Variants in RBM19 observed in about 807,000 individuals in gnomAD.
RBM19 encodes the protein probable RNA-binding protein 19.
Under a neutral mutation model 116.8 loss-of-function variants are expected in RBM19, and 94 were observed. The ratio of observed to expected loss-of-function variants is 0.80; its 90% confidence interval spans 0.68 to 0.95. The LOEUF (loss-of-function observed/expected upper bound fraction) is 0.95, where lower values mean the gene tolerates loss of function less well. RBM19 is among the 40% of genes least tolerant of loss of function. The pLI is 0.00. For synonymous variants in RBM19, 475 were observed against 494.1 expected (o/e 0.96, Z 0.51); for missense variants, 1,161 against 1,220.7 (o/e 0.95, Z 0.73).
chr12:113,954,606 G>A (rs573564895), intron 7 of RBM19, among the ~76,000 whole-genome samples: 1 of 152,288 alleles, frequency 6.6e-6, no homozygotes, highest in Admixed American at 6.5e-5. Flanking sequence ...TAGCTACATG[G>A]TTTTGAGTTT....
chr12:113,966,133 T>C (rs1872848663), intron 1 of RBM19, 59 bp downstream of exon 1: 6 of 1,610,386 alleles, frequency 3.7e-6, no homozygotes, highest in South Asian at 2.2e-5. Flanking sequence ...ATCTCTTCCC[T>C]ACCTCACAGC....
At chr12:113,861,388 C>A (rs1342735057) in intron 21 of RBM19, among the ~76,000 whole-genome samples, 1 of 152,118 alleles carries the variant, frequency 6.6e-6, no homozygotes, top group East Asian at 1.9e-4. Context: ...TGTGTGCAAA[C>A]CCTCTACTTC....
In RBM19 at chr12:113,945,870, G is replaced by C; in HGVS notation, c.1584C>G (p.Ile528Met). 1 of 1,592,410 alleles carries C rather than the reference G, an allele frequency of 6.3e-7. No homozygotes were observed. The highest frequency in any genetic ancestry group is 8.6e-7 in the Non-Finnish European group (1 of 1,160,290). ...TCTTGGTGGCGTTGTACTTCTGTGC[G>C]ATGGCATCGGCCACGGCATTCGGCC... ...FMGPNAVADAIAQKYNATKSQ... is the reference protein window; with the variant it reads ...FMGPNAVADAMAQKYNATKSQ... Residue 528 changes from isoleucine to methionine, a missense_variant, in exon 13 of 24, where the codon ATC (isoleucine) becomes ATG (methionine). Transcript: ENST00000261741.
Position 113,940,080 on chromosome 12 carries a change from G to T in RBM19, c.1818C>A (p.Thr606=). 1.9e-6 allele frequency: 3 copies of T among 1,614,006 alleles called. No individual in the cohort carries two copies. The highest frequency in any genetic ancestry group is 2.2e-5 in the South Asian group (2 of 91,074). ...AGTLAAQLQE[T]FGHFGSLGRV... ...GGCCCAGGCTGCCAAAATGGCCGAA[G>T]GTCTCCTGCAGCTGGGCCGCCAGGG... The change falls in exon 15 of 24, where the codon ACC becomes ACA. Residue 606 remains threonine (T), a synonymous_variant. Coordinates refer to ENST00000261741, the MANE Select transcript of RBM19 (RefSeq NM_016196.4).
intron 21 of RBM19, among the ~76,000 whole-genome samples, chr12:113,890,089 G>C (rs1000383357): frequency 3.9e-5 from 6 of 152,182 alleles, no homozygotes; most frequent in Non-Finnish European, 5.9e-5. Context: ...AAGCCTAAAT[G>C]GTTGTTTGGA....
At chr12:113,862,352 C>A (rs1878465239) in intron 21 of RBM19, among the ~76,000 whole-genome samples, 1 of 152,032 alleles carries the variant, frequency 6.6e-6, no homozygotes, top group African/African-American at 2.4e-5. Context: ...AGCCCAAGAA[C>A]AAAGCTGGAC....
chr12:113,908,299 C>T (rs1469813276), intron 21 of RBM19, among the ~76,000 whole-genome samples: 1 of 152,090 alleles, frequency 6.6e-6, no homozygotes, highest in Admixed American at 6.6e-5. Flanking sequence ...CGGGCAGTGA[C>T]CCCATGCCTG....
At chr12:113,887,194 G>A (rs1463883299) in intron 21 of RBM19, among the ~76,000 whole-genome samples, 1 of 152,104 alleles carries the variant, frequency 6.6e-6, no homozygotes, top group African/African-American at 2.4e-5. Flanking sequence ...GGCAGAGTTG[G>A]GTAATCCTGA....
Position 113,961,331 on chromosome 12 carries a change from CA to C in RBM19, c.219+900del, listed in dbSNP as rs199883376. ...AGGAGCCACCACACCTGGCCAGTTA[CA>C]ATCCCTTTTGTGCACACTTCCAAAA... On this transcript the variant is annotated intron_variant, in intron 2 of 23. Coordinates refer to ENST00000261741, the MANE Select transcript of RBM19 (RefSeq NM_016196.4). Among the ~76,000 whole-genome samples, 487 of 152,284 alleles carry C rather than the reference CA, an allele frequency of 3.2e-3. 5 individuals carry two copies. The East Asian group carries it at 0.038, about 12-fold the overall frequency.
chr12:113,920,721 C>A, intron 18 of RBM19, 31 bp from the exon 19 acceptor site: 1 of 1,594,338 alleles, frequency 6.3e-7, no homozygotes, highest in Non-Finnish European at 8.6e-7. Flanking sequence ...TCACACCAGT[C>A]GGTGAAGCGG....
chr12:113,873,624 T>C (rs1379034872), intron 21 of RBM19, among the ~76,000 whole-genome samples: 1 of 124,342 alleles, frequency 8.0e-6, no homozygotes, highest in East Asian at 2.3e-4. Flanking sequence ...TCCACTATTG[T>C]CCCATGACCC....
At chr12:113,878,972 G>A (rs1879880719) in intron 21 of RBM19, among the ~76,000 whole-genome samples, 1 of 152,118 alleles carries the variant, frequency 6.6e-6, no homozygotes, top group Non-Finnish European at 1.5e-5. Context: ...GACAGCAGGG[G>A]CTGCCTGTAG....
rs566938891 is a variant in RBM19 at position 113,939,249 on chromosome 12, C to T, written c.1938+711G>A. 1.1e-4 allele frequency among the ~76,000 whole-genome samples: 16 copies of T among 151,776 alleles called. No homozygotes were observed. The South Asian group carries it at 1.9e-3, about 18-fold the overall frequency. On this transcript the variant is annotated intron_variant, in intron 15 of 23. Transcript: ENST00000261741. ...TGAGCCCCAGAGTTCAAGGCTGCAG[C>T]GAACCAAGATGGCGCCACTGCACTG...
chr12:113,820,467 G>A (rs116525540), downstream of RBM19, among the ~76,000 whole-genome samples: 623 of 152,236 alleles, frequency 4.1e-3, 2 homozygotes, highest in African/African-American at 0.014. Flanking sequence ...CCGGGACAGC[G>A]AGTGCAGGGT....
rs1195758153 is a variant in RBM19, at chr12:113,865,827, G to GA, written c.2559-6932dup. Among the ~76,000 whole-genome samples the GA allele has an allele frequency of 9.9e-3, 1,381 of 139,396 alleles. 16 individuals are homozygous for GA. Among genetic ancestry groups the GA allele is most frequent in the African/African-American group, 0.026 (1,015 of 38,384 alleles). The allele number at this position is 139,396 out of a possible 152,430, so 91.4% of individuals were successfully genotyped here. On this transcript the variant is annotated intron_variant, in intron 21 of 23. Transcript: ENST00000261741. ...TCCAGGCAATGAATCATCACAGCAA[G>GA]AAAAAAAAAAAGGGGGCAGGGGGGC...
chr12:113,944,203 T>A (rs191553587), intron 13 of RBM19, among the ~76,000 whole-genome samples: 67 of 149,272 alleles, frequency 4.5e-4, no homozygotes, highest in African/African-American at 1.6e-3. Flanking sequence ...GTTCAAGCGA[T>A]TCTCCTGCCT....
Position 113,874,932 on chromosome 12 carries a change from G to A in RBM19, c.2559-16036C>T, listed in dbSNP as rs570268217. The stretch of plus-strand genomic sequence containing the variant: ...TCCCAGACCAAGAGGTCACAGCCAT[G>A]AGGGGACCACTTTTCCAGACCAGTG... On this transcript the variant is annotated intron_variant, in intron 21 of 23. Transcript: ENST00000261741. Among the ~76,000 whole-genome samples, 3 of 152,378 alleles carry A rather than the reference G, an allele frequency of 2.0e-5. No individual in the cohort carries two copies. The East Asian group carries it at 5.8e-4, about 29-fold the overall frequency.
intron 7 of RBM19, among the ~76,000 whole-genome samples, chr12:113,954,756 T>C (rs1222325396): frequency 6.6e-6 from 1 of 152,236 alleles, no homozygotes; most frequent in Non-Finnish European, 1.5e-5. Flanking sequence ...TATTTATTTT[T>C]ACCTACTTTC....
intron 21 of RBM19, among the ~76,000 whole-genome samples, chr12:113,876,197 G>T (rs573015928): frequency 3.9e-5 from 6 of 152,300 alleles, no homozygotes; most frequent in East Asian, 1.9e-4. Context: ...ATATCTGGGT[G>T]GGGGGCTGCT....
Sources: allele counts gnomAD v4.1 joint callset (sites outside exome capture counted in the v4.1 genomes callset), GRCh38; gene constraint gnomAD v4.1.1; transcripts MANE v1.5; gene names NCBI Gene and HGNC (gene_info 2026-07-23, HGNC 2026-07-21).